The following MNX1 variants were observed in gnomAD, a reference collection of about 807,000 sequenced individuals.
The protein encoded by MNX1 is motor neuron and pancreas homeobox 1.
Under a neutral mutation model 17.3 loss-of-function variants are expected in MNX1, and 2 were observed. The observed-to-expected ratio is 0.12, with a 90% CI of 0.05 to 0.36. The LOEUF (loss-of-function observed/expected upper bound fraction) is 0.36. MNX1 is among the 10% of genes least tolerant of loss of function. MNX1 has a pLI of 1.00. For synonymous variants in MNX1, 306 were observed against 283.1 expected, an observed-to-expected ratio of 1.08 and a Z score of -0.81; for missense variants, 556 against 564.7, an observed-to-expected ratio of 0.98 and a Z score of 0.16.
chr7:157,010,536 G>A lies in MNX1; in HGVS notation c.-186C>T. 1 of 405,876 alleles carries A rather than the reference G, an allele frequency of 2.5e-6. No homozygotes were observed. Among genetic ancestry groups the A allele is most frequent in the Non-Finnish European group, 4.4e-6 (1 of 226,600 alleles). 25.1% of individuals were successfully genotyped at this position (405,876 alleles called of 1,614,324 possible). On this transcript the variant is annotated 5_prime_UTR_variant, in exon 1 of 3. Coordinates refer to ENST00000252971, the MANE Select transcript of MNX1 (RefSeq NM_005515.4). ...ACCATGGTCCCGGCGCCTCCTCCGTGCGGGCCCCGCCCCGGGCCGCGCTCG... is the reference window on the plus strand; with the variant it reads ...ACCATGGTCCCGGCGCCTCCTCCGTACGGGCCCCGCCCCGGGCCGCGCTCG...
chr7:157,005,975 C>G (rs1805590397), intron 2 of MNX1, 102 bp from the exon 3 acceptor site: 1 of 1,334,112 alleles, frequency 7.5e-7, no homozygotes, highest in Admixed American at 1.8e-5. Flanking sequence ...TTGGGTCGGC[C>G]CTGGAATGGC....
At chr7:157,008,890 T>C in intron 1 of MNX1, 1 of 1,208,344 alleles carries the variant, frequency 8.3e-7, no homozygotes, top group Non-Finnish European at 1.2e-6. Flanking sequence ...CCCAGGCCTC[T>C]GGCGAGGTGT....
intron 1 of MNX1, chr7:157,008,795 G>A (rs1241272490): frequency 5.0e-6 from 3 of 600,298 alleles, no homozygotes; most frequent in East Asian, 5.6e-5. Context: ...CCGATGGGGC[G>A]AGCGGGGAGA....
chr7:157,009,565 C>A, intron 1 of MNX1, 95 bp downstream of exon 1: 1 of 1,531,656 alleles, frequency 6.5e-7, no homozygotes, highest in Non-Finnish European at 8.8e-7. Context: ...CCCCCGCTCG[C>A]TGGGAGCCAA....
rs772243847 is a variant in MNX1, at chr7:157,010,315, C to T, written c.36G>A (p.Leu12=). Reference sequence around the variant, plus strand: ...CGGCTCGTGGGGGGTCCACCGCCAGCAGGGCGTCGATGCGGAAATTTTTGG... The same window carrying T: ...CGGCTCGTGGGGGGTCCACCGCCAGTAGGGCGTCGATGCGGAAATTTTTGG... ...EKSKNFRIDA[L]LAVDPPRAAS... Residue 12 remains leucine, a synonymous_variant, in exon 1 of 3, where the codon CTG becomes CTA. Transcript: ENST00000252971. The T allele has an allele frequency of 1.9e-6, 3 of 1,581,806 alleles. No individual in the cohort carries two copies. The highest frequency in any genetic ancestry group is 1.1e-5 in the South Asian group (1 of 87,686).
Position 157,009,783 on chromosome 7 carries a change from G to T in MNX1, c.568C>A (p.Gln190Lys). Reference sequence around the variant, plus strand: ...GCGGGGTGCGCGGGGTGCGCGCCTTGCACCTGCGGGTACGAGTAGGAGAGC... The same window carrying T: ...GCGGGGTGCGCGGGGTGCGCGCCTTTCACCTGCGGGTACGAGTAGGAGAGC... The part of the protein sequence containing the change: ...PALSYSYPQV[Q>K]GAHPAHPADP... The change falls in exon 1 of 3, where the codon CAA becomes AAA. Residue 190 changes from glutamine (Q) to lysine (K), a missense_variant. By Grantham distance (53) the Gln-to-Lys change is moderately conservative. Transcript: ENST00000252971. 1 of 1,585,508 alleles carries T rather than the reference G, an allele frequency of 6.3e-7. No homozygotes were observed. The highest frequency in any genetic ancestry group is 2.3e-4 in the Middle Eastern group (1 of 4,396).
At position 157,009,858 on chromosome 7, in the gene MNX1, C is replaced by G; in HGVS notation, c.493G>C (p.Gly165Arg). ...GCCGCCGCCGCCGCCGCGGAGTAGC[C>G]GTAGACCGGGTGGCCGTAGAGCGCC... is the stretch of plus-strand genomic sequence containing the variant. The part of the protein sequence containing the change: ...QAALYGHPVY[G>R]YSAAAAAAAL... The change falls in exon 1 of 3, where the codon GGC becomes CGC. Residue 165 changes from glycine to arginine, a missense_variant. Transcript: ENST00000252971. 4 of 1,490,078 alleles carry G rather than the reference C, an allele frequency of 2.7e-6. No homozygotes were observed. Among genetic ancestry groups the G allele is most frequent in the Admixed American group, 2.2e-5 (1 of 45,290 alleles). 92.3% of individuals were successfully genotyped at this position (1,490,078 alleles called of 1,614,324 possible).
chr7:157,009,365 TCTC>T (rs1805664431), intron 1 of MNX1: 3 of 1,413,320 alleles, frequency 2.1e-6, no homozygotes, highest in East Asian at 2.6e-5. Context: ...GCGACTTCCT[TCTC>T]CTGCAGCCTT....
chr7:157,008,795 G>T (rs1241272490), intron 1 of MNX1: 1 of 600,298 alleles, frequency 1.7e-6, no homozygotes, highest in South Asian at 2.1e-5. Context: ...CCGATGGGGC[G>T]AGCGGGGAGA....
chr7:157,008,219 C>T lies in MNX1; in HGVS notation c.691+1441G>A, dbSNP rs1455289076. 4.6e-5 allele frequency: 7 copies of T among 152,332 alleles called. No individual in the cohort carries two copies. The South Asian group carries it at 1.4e-3, about 32-fold the overall frequency. The allele number at this position is 152,332 out of a possible 1,614,324, so 9.4% of individuals were successfully genotyped here. On this transcript the variant is annotated intron_variant, in intron 1 of 2. Coordinates refer to ENST00000252971, the MANE Select transcript of MNX1 (RefSeq NM_005515.4). ...CCTAGGAGGCCTAGGACCACGGGCC[C>T]CCGGGGCTGGCCAGCCCCCTCCGTG...
In MNX1 at chr7:157,009,969, C is replaced by CGGCGGA. The variant is rs1805680950; in HGVS notation, c.381_382insTCCGCC (p.Ala127_Ala128insSerAla). The CGGCGGA allele has an allele frequency of 2.0e-6, 2 of 977,794 alleles. No homozygotes were observed. The highest frequency in any genetic ancestry group is 2.4e-6 in the Non-Finnish European group (2 of 830,552). The allele number at this position is 977,794 out of a possible 1,614,324, so 60.6% of individuals were successfully genotyped here. On this transcript the variant is annotated inframe_insertion, in exon 1 of 3. Transcript: ENST00000252971. ...CCCCCAGCGGCGGCGGCGGCGGCGG[C>CGGCGGA]GGCGGCGGCAGCGGCCGCTGCGCCC...
In MNX1 at chr7:157,006,408, G is replaced by A; in HGVS notation, c.852+71C>T. ...GCGCTAGATGCCTCAGACCGCCCGT[G>A]GGTCACAAGTGCAAAGGTAACAGTG... On this transcript the variant is annotated intron_variant, in intron 2 of 2. Transcript: ENST00000252971. This position sits in a 1 kb window ranked among gnomAD's most constrained non-coding sequence, Gnocchi z 6.3. 3 of 1,523,952 alleles carry A rather than the reference G, an allele frequency of 2.0e-6. No homozygotes were observed. Among genetic ancestry groups the A allele is most frequent in the East Asian group, 4.7e-5 (2 of 42,918 alleles). The allele number at this position is 1,523,952 out of a possible 1,614,324, so 94.4% of individuals were successfully genotyped here. A position where few individuals can be genotyped will look rare whatever the true frequency, so the allele number is the denominator to read the frequency against.
At chr7:157,005,953 G>A in intron 2 of MNX1, 80 bp from the exon 3 acceptor site, 1 of 1,548,634 alleles carries the variant, frequency 6.5e-7, no homozygotes, top group Non-Finnish European at 8.8e-7. Context: ...GGCCGCGTGC[G>A]CCTGGGCCCC....
Sources: gnomAD v4.1 joint callset for allele counts on GRCh38, gnomAD v4.1.1 for gene constraint, Gnocchi (gnomAD v3.1) non-coding constraint, MANE v1.5 for transcripts, NCBI Gene and HGNC (gene_info 2026-07-23, HGNC 2026-07-21) for gene names.